SMAP1: variants seen among roughly 807,000 people sequenced by gnomAD.
The protein encoded by SMAP1 is stromal membrane-associated protein 1.
In SMAP1, 24 loss-of-function variants were observed where a neutral mutation model predicts 58.5. The ratio of observed to expected loss-of-function variants is 0.41; its 90% CI spans 0.30 to 0.58. The LOEUF is 0.58. Ranked by LOEUF, SMAP1 falls within the 20% of genes least tolerant of loss-of-function variation. The probability of loss-of-function intolerance (pLI) is 0.29; values close to 1 mark genes in which losing one functional copy is unlikely to be tolerated. For missense variants in SMAP1, 563 were observed against 566.3 expected (o/e 0.99, Z 0.06); for synonymous variants, 216 against 196.6 (o/e 1.10, Z -0.82).
In SMAP1 at chr6:70,704,850, A is replaced by T. The variant is rs558877630; in HGVS notation, c.119-27528A>T. On this transcript the variant is annotated intron_variant, in intron 1 of 10. Transcript: ENST00000370455. ...CTTCTCCTTATATCAAGACTTTTAA[A>T]AAGCAAAAGTTCTAATATATGGAGA... 2.0e-5 allele frequency among the ~76,000 whole-genome samples: 3 copies of T among 152,342 alleles called. No individual in the cohort carries two copies. The South Asian group carries it at 6.2e-4, about 32-fold the overall frequency.
intron 3 of SMAP1, among the ~76,000 whole-genome samples, chr6:70,771,200 G>A (rs890611856): frequency 2.6e-5 from 4 of 152,194 alleles, no homozygotes; most frequent in Admixed American, 6.5e-5. Context: ...GAGGTCAGGG[G>A]TCAGGGACCC....
At chr6:70,681,782 T>C (rs1766720362) in intron 1 of SMAP1, among the ~76,000 whole-genome samples, 1 of 152,184 alleles carries the variant, frequency 6.6e-6, no homozygotes, top group East Asian at 1.9e-4. Context: ...AGTTGTGTTA[T>C]TCATACACAG....
rs560622795 is a variant in SMAP1, at chr6:70,849,973, T to C, written c.665-2567T>C. Among the ~76,000 whole-genome samples, 15 of 152,314 alleles carry C rather than the reference T, an allele frequency of 9.8e-5. No homozygotes were observed. The South Asian group carries it at 2.5e-3, about 25-fold the overall frequency. ...GACAAGTTATTAGTCACATATGTGATACTAAAGGGGGTTAAAGGTAAAATA... is the reference window on the plus strand; with the variant it reads ...GACAAGTTATTAGTCACATATGTGACACTAAAGGGGGTTAAAGGTAAAATA... On this transcript the variant is annotated intron_variant, in intron 7 of 10. Coordinates refer to ENST00000370455, the MANE Select transcript of SMAP1 (RefSeq NM_001044305.3).
chr6:70,793,715 A>T (rs913872489), intron 5 of SMAP1, among the ~76,000 whole-genome samples: 2 of 151,262 alleles, frequency 1.3e-5, no homozygotes, highest in Non-Finnish European at 2.9e-5. Context: ...TTTTATTTTT[A>T]TTTATTTATT....
At chr6:70,797,647 ATAT>A (rs1768660942) in intron 5 of SMAP1, among the ~76,000 whole-genome samples, 1 of 152,078 alleles carries the variant, frequency 6.6e-6, no homozygotes, top group Non-Finnish European at 1.5e-5. Context: ...TGCCAATATT[ATAT>A]TTCCTGATTT....
intron 6 of SMAP1, among the ~76,000 whole-genome samples, chr6:70,810,857 A>T (rs1314611026): frequency 1.3e-5 from 2 of 152,130 alleles, no homozygotes; most frequent in East Asian, 3.9e-4. Context: ...TTTTATTGAT[A>T]CATATACTGT....
chr6:70,768,291 T>G (rs1767096139), intron 3 of SMAP1, among the ~76,000 whole-genome samples: 1 of 152,202 alleles, frequency 6.6e-6, no homozygotes, highest in Admixed American at 6.5e-5. Context: ...GATTCCCTCT[T>G]TTTCTATTGA....
At chr6:70,781,970 T>C (rs1767781410) in intron 4 of SMAP1, among the ~76,000 whole-genome samples, 1 of 152,250 alleles carries the variant, frequency 6.6e-6, no homozygotes, top group Admixed American at 6.5e-5. Context: ...ACTGTTAAAC[T>C]CATTTTATTT....
chr6:70,773,026 A>G (rs1180966347), intron 3 of SMAP1: 1 of 253,322 alleles, frequency 3.9e-6, no homozygotes, highest in Admixed American at 5.9e-5. Context: ...AAAAACCCCA[A>G]ATGAACCTGA....
intron 6 of SMAP1, among the ~76,000 whole-genome samples, chr6:70,824,905 C>T (rs1770048061): frequency 6.6e-6 from 1 of 152,162 alleles, no homozygotes; most frequent in Non-Finnish European, 1.5e-5. Context: ...TTTTGGTCTT[C>T]CTTGTTTCTT....
At chr6:70,839,458 A>C (rs190935298) in intron 7 of SMAP1, among the ~76,000 whole-genome samples, 2 of 152,106 alleles carry the variant, frequency 1.3e-5, no homozygotes, top group Non-Finnish European at 2.9e-5. Context: ...ACTAACATTT[A>C]TTTCTGTCAC....
intron 6 of SMAP1, among the ~76,000 whole-genome samples, chr6:70,819,952 A>G (rs1201781903): frequency 6.6e-6 from 1 of 152,180 alleles, no homozygotes; most frequent in Non-Finnish European, 1.5e-5. Context: ...CCTGCCCATA[A>G]GGCTCTATAG....
In SMAP1 at chr6:70,858,287, C is replaced by CTTTTTTTTTT. The variant is rs68188898; in HGVS notation, c.1269+77_1269+86dup. 8 of 255,140 alleles carry CTTTTTTTTTT rather than the reference C, an allele frequency of 3.1e-5. No individual in the cohort carries two copies. In the African/African-American group the frequency reaches 3.6e-4, roughly 11 times the overall value. The allele number at this position is 255,140 out of a possible 1,614,324, so 15.8% of individuals were successfully genotyped here. The stretch of plus-strand genomic sequence containing the variant: ...ATCAAACCAGATTTATTTTCTAAAT[C>CTTTTTTTTTT]TTTTTTTTTTTTTTTTTTTTTTTTT... On this transcript the variant is annotated intron_variant, in intron 10 of 10. Coordinates refer to ENST00000370455, the MANE Select transcript of SMAP1 (RefSeq NM_001044305.3).
At chr6:70,823,606 C>T (rs1056044727) in intron 6 of SMAP1, among the ~76,000 whole-genome samples, 1 of 152,110 alleles carries the variant, frequency 6.6e-6, no homozygotes, top group Non-Finnish European at 1.5e-5. Context: ...ATGCTCAAGT[C>T]CCTTATATAA....
intron 3 of SMAP1, among the ~76,000 whole-genome samples, chr6:70,760,057 G>T (rs1316333628): frequency 6.6e-6 from 1 of 152,082 alleles, no homozygotes; most frequent in Non-Finnish European, 1.5e-5. Context: ...TTTCCCTCCT[G>T]TATCGGGACA....
chr6:70,707,364 C>CT (rs891850094), intron 1 of SMAP1, among the ~76,000 whole-genome samples: 28 of 150,812 alleles, frequency 1.9e-4, no homozygotes, highest in South Asian at 6.3e-4. Flanking sequence ...TCCTCATTAA[C>CT]TTTTTTTTTA....
chr6:70,820,014 C>G (rs981219896), intron 6 of SMAP1, among the ~76,000 whole-genome samples: 5 of 152,122 alleles, frequency 3.3e-5, no homozygotes, highest in African/African-American at 1.2e-4. Context: ...GATTTCTGCT[C>G]CAGGAAGATA....
At chr6:70,824,186 G>A (rs540370220) in intron 6 of SMAP1, among the ~76,000 whole-genome samples, 16 of 152,072 alleles carry the variant, frequency 1.1e-4, no homozygotes, top group African/African-American at 3.9e-4. Context: ...TTTCCAGTTC[G>A]TTCAGCTTTT....
Position 70,766,065 on chromosome 6 carries a change from G to C in SMAP1, c.339-7285G>C, listed in dbSNP as rs1024448002. On this transcript the variant is annotated intron_variant, in intron 3 of 10. Transcript: ENST00000370455. ...CCAATTTCATCCGTTTCCCTACAAA[G>C]GACATGAACTCATCATTTTTTATGG... is the stretch of plus-strand genomic sequence containing the variant. 2.6e-5 allele frequency among the ~76,000 whole-genome samples: 4 copies of C among 152,260 alleles called. No individual in the cohort carries two copies. In the East Asian group the frequency reaches 5.8e-4, roughly 22 times the overall value.
Sources: allele counts gnomAD v4.1 joint callset (sites outside exome capture counted in the v4.1 genomes callset), GRCh38; gene constraint gnomAD v4.1.1; transcripts MANE v1.5; gene names NCBI Gene and HGNC (gene_info 2026-07-23, HGNC 2026-07-21).